Variants in NCALD observed in about 807,000 individuals in gnomAD.
The protein encoded by NCALD is neurocalcin delta.
A neutral mutation model predicts 18.6 loss-of-function variants in NCALD; 10 were observed. The observed-to-expected ratio is 0.54, with a 90% confidence interval of 0.33 to 0.91. The LOEUF (loss-of-function observed/expected upper bound fraction) is 0.91, where lower values mean the gene tolerates loss of function less well. NCALD is among the 40% of genes least tolerant of loss of function. NCALD has a pLI of 0.03. For synonymous variants in NCALD, 88 were observed against 87.4 expected (o/e 1.01, Z -0.04); for missense variants, 184 against 247.6 (o/e 0.74, Z 1.72).
intron 4 of NCALD, among the ~76,000 whole-genome samples, chr8:101,828,307 T>C (rs1814024461): frequency 1.3e-5 from 2 of 152,144 alleles, no homozygotes; most frequent in Non-Finnish European, 2.9e-5. Flanking sequence ...CTGCCCAGCT[T>C]GCCAGCCCCG....
At chr8:101,898,980 G>C (rs985838048) in intron 3 of NCALD, among the ~76,000 whole-genome samples, 1 of 152,114 alleles carries the variant, frequency 6.6e-6, no homozygotes, top group African/African-American at 2.4e-5. Flanking sequence ...GGGGAGAACT[G>C]ACATCTTTAC....
At chr8:101,879,240 G>A (rs1816367101) in intron 4 of NCALD, among the ~76,000 whole-genome samples, 1 of 152,200 alleles carries the variant, frequency 6.6e-6, no homozygotes, top group African/African-American at 2.4e-5. Context: ...GGACCCTCAT[G>A]GTGTTACAAT....
intron 1 of NCALD, among the ~76,000 whole-genome samples, chr8:102,081,558 A>AC (rs761778929): frequency 0.1 from 13,284 of 127,372 alleles, 1,768 homozygotes; most frequent in African/African-American, 0.34. Context: ...AAAAAAAAAA[A>AC]AAAAAAAAAA....
intron 1 of NCALD, among the ~76,000 whole-genome samples, chr8:101,758,613 TCCA>T (rs977588450): frequency 6.6e-6 from 1 of 152,190 alleles, no homozygotes; most frequent in African/African-American, 2.4e-5. Flanking sequence ...ACTCACCACA[TCCA>T]CCACATGTCT....
intron 4 of NCALD, among the ~76,000 whole-genome samples, chr8:101,829,073 A>G (rs777797911): frequency 6.6e-6 from 1 of 152,090 alleles, no homozygotes; most frequent in Non-Finnish European, 1.5e-5. Flanking sequence ...TGAGGAAGAC[A>G]CCTTAGTCAC....
intron 4 of NCALD, among the ~76,000 whole-genome samples, chr8:101,796,535 G>A (rs1812645280): frequency 6.6e-6 from 1 of 151,996 alleles, no homozygotes; most frequent in African/African-American, 2.4e-5. Flanking sequence ...AAATACAATG[G>A]AAGGTAAAAG....
At chr8:102,001,229 G>A (rs969115388) in intron 2 of NCALD, among the ~76,000 whole-genome samples, 7 of 152,204 alleles carry the variant, frequency 4.6e-5, no homozygotes, top group South Asian at 2.1e-4. Flanking sequence ...CGTGATGAAC[G>A]CACAAGCCTC....
chr8:101,859,674 C>T (rs1563833604), intron 4 of NCALD, among the ~76,000 whole-genome samples: 2 of 151,884 alleles, frequency 1.3e-5, no homozygotes, highest in Admixed American at 1.3e-4. Context: ...TTTTCCTACA[C>T]ATAGTATAAA....
intron 1 of NCALD, among the ~76,000 whole-genome samples, chr8:101,756,787 G>C (rs1586415670): frequency 6.6e-6 from 1 of 152,208 alleles, no homozygotes; most frequent in Non-Finnish European, 1.5e-5. Context: ...AATATGGCTT[G>C]ATATACATTG....
Position 101,719,664 on chromosome 8 carries a change from A to G in NCALD, c.-19-16T>C, listed in dbSNP as rs1459135907. On this transcript the variant is annotated splice_polypyrimidine_tract_variant and intron_variant, in intron 1 of 3. Transcript: ENST00000220931. ...AAGAATTCAGCTGCAGATAGAAAAG[A>G]AAACATATATAATTTGTAGAGCTGC... 3.3e-6 allele frequency: 5 copies of G among 1,532,952 alleles called. No homozygotes were observed. The highest frequency in any genetic ancestry group is 4.4e-6 in the Non-Finnish European group (5 of 1,146,232). The allele number at this position is 1,532,952 out of a possible 1,614,324, so 95.0% of individuals were successfully genotyped here.
intron 1 of NCALD, among the ~76,000 whole-genome samples, chr8:101,781,947 G>A (rs2130958749): frequency 6.6e-6 from 1 of 151,820 alleles, no homozygotes; most frequent in African/African-American, 2.4e-5. Flanking sequence ...CAGGTGTAAT[G>A]TAATGCAATG....
At chr8:101,985,297 C>G (rs1443272866) in intron 2 of NCALD, among the ~76,000 whole-genome samples, 3 of 152,142 alleles carry the variant, frequency 2.0e-5, no homozygotes, top group African/African-American at 7.2e-5. Context: ...CCAGCCTCCA[C>G]TCGACCCACC....
intron 1 of NCALD, among the ~76,000 whole-genome samples, chr8:102,081,313 G>T (rs1824518094): frequency 6.6e-6 from 1 of 152,058 alleles, no homozygotes; most frequent in East Asian, 1.9e-4. Context: ...GGTCTGCTTA[G>T]AATTCAAATA....
chr8:101,782,708 G>A (rs1057024317), intron 1 of NCALD, among the ~76,000 whole-genome samples: 16 of 152,102 alleles, frequency 1.1e-4, no homozygotes, highest in Admixed American at 3.3e-4. Context: ...CATGCCAGAC[G>A]CTCTCTATCC....
intron 1 of NCALD, among the ~76,000 whole-genome samples, chr8:101,739,161 C>T (rs1207204456): frequency 6.6e-6 from 1 of 151,952 alleles, no homozygotes. Flanking sequence ...TTGGATGCCT[C>T]CCCTCGTGTC....
chr8:102,101,341 A>G (rs1244210834), intron 1 of NCALD, among the ~76,000 whole-genome samples: 1 of 152,246 alleles, frequency 6.6e-6, no homozygotes, highest in African/African-American at 2.4e-5. Flanking sequence ...GTTAGCAACA[A>G]ATTTTAAAAA....
chr8:101,952,150 A>C (rs1819451428), intron 2 of NCALD, among the ~76,000 whole-genome samples: 1 of 152,130 alleles, frequency 6.6e-6, no homozygotes, highest in Non-Finnish European at 1.5e-5. Context: ...TCTGGGAGGA[A>C]GCCCCAGAGA....
In NCALD at chr8:102,074,539, G is replaced by T. The variant is rs76201485; in HGVS notation, c.-210+49698C>A. On this transcript the variant is annotated intron_variant, in intron 1 of 6. Transcript: ENST00000311028. Reference sequence around the variant, plus strand: ...TTCCTGTTGGCCATATTCTCTTCAAGATCTTAATTTTTGTGCCCCAAACCC... The same window carrying T: ...TTCCTGTTGGCCATATTCTCTTCAATATCTTAATTTTTGTGCCCCAAACCC... Among the ~76,000 whole-genome samples, 117 of 152,262 alleles carry T rather than the reference G, an allele frequency of 7.7e-4. 3 individuals carry two copies. In the East Asian group the frequency reaches 0.022, roughly 29 times the overall value.
At chr8:102,089,580 C>T (rs1824856622) in intron 1 of NCALD, among the ~76,000 whole-genome samples, 1 of 151,880 alleles carries the variant, frequency 6.6e-6, no homozygotes, top group Admixed American at 6.6e-5. Context: ...AGCGTAATGC[C>T]TTTTAGTTCA....
Sources: gnomAD v4.1 joint callset for allele counts (sites outside exome capture counted in the v4.1 genomes callset) on GRCh38, gnomAD v4.1.1 for gene constraint, MANE v1.5 for transcripts, NCBI Gene and HGNC (gene_info 2026-07-23, HGNC 2026-07-21) for gene names.